The following PARP15 variants were observed in gnomAD, a reference collection of about 807,000 sequenced individuals.
PARP15 encodes poly(ADP-ribose) polymerase family member 15.
Under a neutral mutation model 62.1 loss-of-function variants are expected in PARP15, and 50 were observed. That is an observed-to-expected ratio of 0.81 (90% CI 0.64 to 1.02). The LOEUF is 1.02. Among genes scored for constraint, PARP15 ranks in the 50% least tolerant of loss-of-function variants. The probability of loss-of-function intolerance (pLI) is 0.00; values close to 1 mark genes in which losing one functional copy is unlikely to be tolerated. For missense variants in PARP15, 820 were observed against 826.5 expected (o/e 0.99, Z 0.10); for synonymous variants, 309 against 293.1 (o/e 1.05, Z -0.55).
chr3:122,589,417 C>G (rs917087174), intron 1 of PARP15, among the ~76,000 whole-genome samples: 1 of 152,136 alleles, frequency 6.6e-6, no homozygotes, highest in Non-Finnish European at 1.5e-5. Flanking sequence ...ACTGTGTGGA[C>G]GTATGTTTTC....
At chr3:122,612,453 C>A (rs146167600) in intron 3 of PARP15, among the ~76,000 whole-genome samples, 1 of 151,224 alleles carries the variant, frequency 6.6e-6, no homozygotes, top group African/African-American at 2.4e-5. Context: ...GCTTTTGAGA[C>A]GGAGTCTTGC....
chr3:122,599,429 C>G (rs538713405), intron 1 of PARP15, among the ~76,000 whole-genome samples: 1 of 151,952 alleles, frequency 6.6e-6, no homozygotes, highest in African/African-American at 2.4e-5. Flanking sequence ...ATTTTATTAG[C>G]TGGATAACAA....
In PARP15 at chr3:122,635,154, C is replaced by T; in HGVS notation, c.1707C>T (p.Val569=). ...HGTDADSVPY[V]NQHGFNRSCA... ...CAGATGCAGACTCAGTGCCATATGT[C>T]AATCAGCACGGCTTTAATAGAAGTT... The change falls in exon 11 of 12, where the codon GTC becomes GTT. Residue 569 remains valine, a synonymous_variant. Coordinates refer to ENST00000464300, the MANE Select transcript of PARP15 (RefSeq NM_001113523.3). 2 of 1,613,842 alleles carry T rather than the reference C, an allele frequency of 1.2e-6. No homozygotes were observed. Among genetic ancestry groups the T allele is most frequent in the South Asian group, 1.1e-5 (1 of 91,006 alleles).
At chr3:122,621,676 T>C in intron 8 of PARP15, 65 bp downstream of exon 8, 1 of 1,437,320 alleles carries the variant, frequency 7.0e-7, no homozygotes, top group Non-Finnish European at 9.4e-7. Context: ...TTAGTCTCAC[T>C]CTTAAGCAGA....
At chr3:122,596,543 A>G (rs1468028919) in intron 1 of PARP15, among the ~76,000 whole-genome samples, 1 of 151,964 alleles carries the variant, frequency 6.6e-6, no homozygotes, top group African/African-American at 2.4e-5. Context: ...TGTTTCTCTC[A>G]TATCCTCTAT....
chr3:122,615,759 G>T lies in PARP15; in HGVS notation c.772-20G>T. On this transcript the variant is annotated intron_variant, in intron 4 of 11. Coordinates refer to ENST00000464300, the MANE Select transcript of PARP15 (RefSeq NM_001113523.3). ...TTTTTACACAATATTGTTGTAGTCA[G>T]TAACTGTTTCTATTTCCAGGCATTT... is the stretch of plus-strand genomic sequence containing the variant. The T allele has an allele frequency of 6.2e-7, 1 of 1,608,838 alleles. No homozygotes were observed. Among genetic ancestry groups the T allele is most frequent in the Non-Finnish European group, 8.5e-7 (1 of 1,175,272 alleles).
At chr3:122,629,009 T>C (rs776807296) in intron 9 of PARP15, among the ~76,000 whole-genome samples, 4 of 152,200 alleles carry the variant, frequency 2.6e-5, no homozygotes, top group Non-Finnish European at 4.4e-5. Flanking sequence ...AGATTACTTA[T>C]TGAGCACCAA....
chr3:122,621,577 G>A lies in PARP15; in HGVS notation c.1197G>A (p.Lys399=). The A allele has an allele frequency of 6.2e-7, 1 of 1,603,340 alleles. No individual in the cohort carries two copies. Among genetic ancestry groups the A allele is most frequent in the Non-Finnish European group, 8.5e-7 (1 of 1,176,754 alleles). The stretch of plus-strand genomic sequence containing the variant: ...TTCTAGAAGAGTGTGAACAGAGGAA[G>A]TACACATCGGTTTCCCTTCCAGCCA... The part of the protein sequence containing the change: ...TSVLEECEQR[K]YTSVSLPAIG... The change falls in exon 8 of 12, where the codon AAG becomes AAA. Residue 399 remains lysine, a synonymous_variant. Coordinates refer to ENST00000464300, the MANE Select transcript of PARP15 (RefSeq NM_001113523.3).
At chr3:122,600,256 G>C (rs77453350) in intron 1 of PARP15, among the ~76,000 whole-genome samples, 120 of 152,088 alleles carry the variant, frequency 7.9e-4, no homozygotes, top group African/African-American at 2.8e-3. Flanking sequence ...AAAAATATGG[G>C]AGAAAAAAGG....
At chr3:122,616,942 A>C in intron 5 of PARP15, 73 bp from the exon 6 acceptor site, 17 of 1,481,390 alleles carry the variant, frequency 1.1e-5, no homozygotes, top group Non-Finnish European at 1.5e-5. Context: ...GGAAGAGAAT[A>C]GGGCCCCAAG....
chr3:122,596,875 A>G (rs1030182683), intron 1 of PARP15, among the ~76,000 whole-genome samples: 1 of 152,214 alleles, frequency 6.6e-6, no homozygotes, highest in African/African-American at 2.4e-5. Flanking sequence ...ATAGAAGCAG[A>G]TATTAGGATC....
chr3:122,632,979 G>A (rs939830899), intron 10 of PARP15, among the ~76,000 whole-genome samples: 1 of 152,186 alleles, frequency 6.6e-6, no homozygotes, highest in African/African-American at 2.4e-5. Context: ...GTAAACTATA[G>A]GGGTTTATCA....
rs1023662708 is a variant in PARP15, at chr3:122,616,552, G to T, written c.851-463G>T. Among the ~76,000 whole-genome samples, 4 of 151,898 alleles carry T rather than the reference G, an allele frequency of 2.6e-5. No homozygotes were observed. In the East Asian group the frequency reaches 5.8e-4, roughly 22 times the overall value. ...TCACCATGTTGACCAAGCTGGTCTC[G>T]AACTCCTAACCTCAAGTGATCCTCC... On this transcript the variant is annotated intron_variant, in intron 5 of 11. Transcript: ENST00000464300.
chr3:122,612,547 C>T (rs915154757), intron 3 of PARP15, among the ~76,000 whole-genome samples: 15 of 152,208 alleles, frequency 9.9e-5, no homozygotes, highest in Middle Eastern at 3.4e-3. Context: ...CGCCATTCTC[C>T]TGCCTCAGCC....
At chr3:122,611,393 G>T (rs1355380459) in intron 3 of PARP15, among the ~76,000 whole-genome samples, 4 of 149,426 alleles carry the variant, frequency 2.7e-5, no homozygotes, top group African/African-American at 9.9e-5. Context: ...GTGCAGTGGG[G>T]CGCCATCTCA....
In PARP15 at chr3:122,621,438, T is replaced by G. The variant is rs752190639; in HGVS notation, c.1064-6T>G. On this transcript the variant is annotated splice_region_variant and splice_polypyrimidine_tract_variant and intron_variant, in intron 7 of 11. Transcript: ENST00000464300. ...TGCATGTTTGTTTTTCTTTCCTTTT[T>G]TTCAGCTGCACAGCCTCACAGAGAT... 2 of 1,591,392 alleles carry G rather than the reference T, an allele frequency of 1.3e-6. No individual in the cohort carries two copies. Among genetic ancestry groups the G allele is most frequent in the Non-Finnish European group, 1.7e-6 (2 of 1,172,162 alleles).
At position 122,621,578 on chromosome 3, in the gene PARP15, T is replaced by C. The variant is rs779057475; in HGVS notation, c.1198T>C (p.Tyr400His). Residue 400 changes from tyrosine to histidine, a missense_variant, in exon 8 of 12, where the codon TAC (tyrosine) becomes CAC (histidine). Around this residue, in one of 3 missense-constraint regions of PARP15, gnomAD observed 731 missense variants for 727.7 expected, o/e 1.00. Coordinates refer to ENST00000464300, the MANE Select transcript of PARP15 (RefSeq NM_001113523.3). The part of the protein sequence containing the change: ...SVLEECEQRK[Y>H]TSVSLPAIGT... ...TCTAGAAGAGTGTGAACAGAGGAAG[T>C]ACACATCGGTTTCCCTTCCAGCCAT... 2 of 1,603,492 alleles carry C rather than the reference T, an allele frequency of 1.2e-6. No homozygotes were observed. Among genetic ancestry groups the C allele is most frequent in the South Asian group, 2.3e-5 (2 of 88,336 alleles).
At chr3:122,627,239 C>G (rs532458269) in intron 9 of PARP15, among the ~76,000 whole-genome samples, 21 of 152,130 alleles carry the variant, frequency 1.4e-4, no homozygotes, top group Non-Finnish European at 2.6e-4. Context: ...AAAATCATGC[C>G]TGGGAAATAG....
rs377224684 is a variant in PARP15 at position 122,626,790 on chromosome 3, C to T, written c.1232-37C>T. On this transcript the variant is annotated intron_variant, in intron 8 of 11. Transcript: ENST00000464300. ...CCATATTTCATCATATTAGCAACATCGGGGGAAACTTCTTTGTCATTAAAT... is the reference window on the plus strand; with the variant it reads ...CCATATTTCATCATATTAGCAACATTGGGGGAAACTTCTTTGTCATTAAAT... 1,178 of 1,578,572 alleles carry T rather than the reference C, an allele frequency of 7.5e-4. 2 individuals carry two copies. The highest frequency in any genetic ancestry group is 1.2e-3 in the South Asian group (104 of 87,578).
Sources: gnomAD v4.1 joint callset for allele counts (sites outside exome capture counted in the v4.1 genomes callset) on GRCh38, gnomAD v4.1.1 for gene constraint, gnomAD v4.1.1 regional missense constraint, MANE v1.5 for transcripts, NCBI Gene and HGNC (gene_info 2026-07-23, HGNC 2026-07-21) for gene names.